The following PAPPA variants were observed in gnomAD, a reference collection of about 807,000 sequenced individuals.
PAPPA encodes the protein pappalysin-1.
In PAPPA, 60 loss-of-function variants were observed where a neutral mutation model predicts 164.0. The observed-to-expected ratio is 0.37, with a 90% CI of 0.30 to 0.45. The LOEUF is 0.45. Among genes scored for constraint, PAPPA ranks in the 20% least tolerant of loss-of-function variants. The pLI is 1.00. For synonymous variants in PAPPA, 875 were observed against 814.1 expected (o/e 1.07, Z -1.27); for missense variants, 1,782 against 2,087.3 (o/e 0.85, Z 2.85).
intron 2 of PAPPA, among the ~76,000 whole-genome samples, chr9:116,198,462 C>T (rs538674031): frequency 6.6e-6 from 1 of 152,324 alleles, no homozygotes; most frequent in Admixed American, 6.5e-5. Flanking sequence ...GTGCCAAGCA[C>T]AGTGCTAGGT....
At chr9:116,314,290 C>G (rs1008394424) in intron 10 of PAPPA, among the ~76,000 whole-genome samples, 1 of 151,646 alleles carries the variant, frequency 6.6e-6, no homozygotes, top group Non-Finnish European at 1.5e-5. Context: ...AGGATGGTCT[C>G]GATCTCCTGA....
intron 21 of PAPPA, among the ~76,000 whole-genome samples, chr9:116,391,878 G>T (rs1415313162): frequency 6.6e-6 from 1 of 152,168 alleles, no homozygotes; most frequent in Non-Finnish European, 1.5e-5. Flanking sequence ...GTGGGGAGCT[G>T]CTTGGGGAGT....
At position 116,154,334 on chromosome 9, in the gene PAPPA, C is replaced by T; in HGVS notation, c.162C>T (p.Gly54=). 1 of 847,878 alleles carries T rather than the reference C, an allele frequency of 1.2e-6. No individual in the cohort carries two copies. The highest frequency in any genetic ancestry group is 1.4e-6 in the Non-Finnish European group (1 of 708,856). 52.5% of individuals were successfully genotyped at this position (847,878 alleles called of 1,614,324 possible). ...CCTGCGCCACCCGGGCGGCCCGCGG[C>T]CGCCGCGCCTCGCCGCCGCCGCCGC... The part of the protein sequence containing the change: ...PATCATRAAR[G]RRASPPPPPP... The change falls in exon 1 of 22, where the codon GGC becomes GGT. Residue 54 remains glycine, a synonymous_variant. Coordinates refer to ENST00000328252, the MANE Select transcript of PAPPA (RefSeq NM_002581.5). This position sits in a 1 kb window ranked among gnomAD's most constrained non-coding sequence, Gnocchi z 5.2.
At chr9:116,254,259 G>T (rs1452233138) in intron 7 of PAPPA, among the ~76,000 whole-genome samples, 2 of 152,090 alleles carry the variant, frequency 1.3e-5, no homozygotes, top group African/African-American at 4.8e-5. Flanking sequence ...CCAGAAACCA[G>T]TGAAGGCTAT....
chr9:116,238,517 G>A (rs544402655), intron 7 of PAPPA, among the ~76,000 whole-genome samples: 4 of 152,280 alleles, frequency 2.6e-5, no homozygotes, highest in African/African-American at 9.6e-5. Context: ...GGATGACTCA[G>A]ACCAGTCCCT....
At chr9:116,395,314 G>A (rs1259247384) in intron 21 of PAPPA, among the ~76,000 whole-genome samples, 1 of 151,816 alleles carries the variant, frequency 6.6e-6, no homozygotes, top group Non-Finnish European at 1.5e-5. Flanking sequence ...CAAAGAGGCA[G>A]AGAAAAAAGA....
At chr9:116,349,179 T>G (rs1276675862) in intron 15 of PAPPA, among the ~76,000 whole-genome samples, 1 of 145,898 alleles carries the variant, frequency 6.9e-6, no homozygotes, top group Admixed American at 6.9e-5. Flanking sequence ...TGCAGCCAGT[T>G]GATTGAGTGA....
At chr9:116,350,732 C>A (rs1169323213) in intron 15 of PAPPA, among the ~76,000 whole-genome samples, 1 of 152,140 alleles carries the variant, frequency 6.6e-6, no homozygotes, top group Non-Finnish European at 1.5e-5. Context: ...ATTAGCTGGG[C>A]ACCCCAAAGC....
chr9:116,191,014 A>C (rs1844035668), intron 2 of PAPPA, among the ~76,000 whole-genome samples: 1 of 149,456 alleles, frequency 6.7e-6, no homozygotes, highest in Non-Finnish European at 1.5e-5. Context: ...TTAAACAAAA[A>C]AGGGAGGAAG....
chr9:116,402,118 T>G lies in PAPPA; in HGVS notation c.*5502T>G, dbSNP rs1190193102. 1 of 152,564 alleles carries G rather than the reference T, an allele frequency of 6.6e-6. No individual in the cohort carries two copies. Among genetic ancestry groups the G allele is most frequent in the Non-Finnish European group, 1.5e-5 (1 of 68,022 alleles). The allele number at this position is 152,564 out of a possible 1,614,324, so 9.5% of individuals were successfully genotyped here. ...CATCTAATTTATTTTTTCTATACAG[T>G]TTTAAATACTCAGACATATTTTGCT... is the stretch of plus-strand genomic sequence containing the variant. On this transcript the variant is annotated 3_prime_UTR_variant, in exon 22 of 22. Coordinates refer to ENST00000328252, the MANE Select transcript of PAPPA (RefSeq NM_002581.5).
At chr9:116,263,479 C>A (rs555313536) in intron 7 of PAPPA, among the ~76,000 whole-genome samples, 1 of 152,310 alleles carries the variant, frequency 6.6e-6, no homozygotes, top group East Asian at 1.9e-4. Context: ...ATTTGTCTCT[C>A]CATCTCTTCT....
intron 1 of PAPPA, among the ~76,000 whole-genome samples, chr9:116,168,388 A>C (rs1045378222): frequency 7.2e-5 from 11 of 152,248 alleles, no homozygotes; most frequent in Non-Finnish European, 1.3e-4. Flanking sequence ...TGGTGGAAGC[A>C]GACTGGTAAA....
chr9:116,257,109 T>C (rs987988816), intron 7 of PAPPA, among the ~76,000 whole-genome samples: 3 of 151,996 alleles, frequency 2.0e-5, no homozygotes, highest in Non-Finnish European at 4.4e-5. Flanking sequence ...GAAAATCTTA[T>C]ATATTTGCCA....
chr9:116,181,437 T>A (rs1243014548), intron 1 of PAPPA, among the ~76,000 whole-genome samples: 1 of 152,160 alleles, frequency 6.6e-6, no homozygotes, highest in Non-Finnish European at 1.5e-5. Context: ...ACTTGTGTCC[T>A]AATTTTCTCC....
chr9:116,263,951 AC>A (rs1282583649), intron 7 of PAPPA, among the ~76,000 whole-genome samples: 1 of 152,056 alleles, frequency 6.6e-6, no homozygotes, highest in Non-Finnish European at 1.5e-5. Flanking sequence ...CCAGAGAACT[AC>A]CCCCATCTAC....
chr9:116,173,979 CTGAT>C (rs1290612513), intron 1 of PAPPA, among the ~76,000 whole-genome samples: 1 of 152,188 alleles, frequency 6.6e-6, no homozygotes, highest in East Asian at 1.9e-4. Context: ...ATTCTGGAGT[CTGAT>C]TGCTTGGGGT....
Position 116,187,841 on chromosome 9 carries a change from C to T in PAPPA, c.1103C>T (p.Pro368Leu), listed in dbSNP as rs1291649850. 5.0e-6 allele frequency: 8 copies of T among 1,614,076 alleles called. No homozygotes were observed. Among genetic ancestry groups the T allele is most frequent in the African/African-American group, 1.3e-5 (1 of 74,942 alleles). The change falls in exon 2 of 22, where the codon CCG becomes CTG. Residue 368 changes from proline to leucine, a missense_variant. Around this residue, in one of 2 missense-constraint regions of PAPPA, gnomAD observed 1,324 missense variants for 1,656.9 expected, o/e 0.80. Coordinates refer to ENST00000328252, the MANE Select transcript of PAPPA (RefSeq NM_002581.5). The surrounding 1 kb of genome is among the most constrained non-coding windows in gnomAD (Gnocchi z 4.2). ...VNLYEDDHKN[P>L]TVTREQVDFQ... ...CTCTATGAAGATGATCATAAGAACC[C>T]GACGGTGACGCGCGAGCAGGTGGAC... is the stretch of plus-strand genomic sequence containing the variant.
intron 17 of PAPPA, among the ~76,000 whole-genome samples, chr9:116,356,271 G>A (rs546525482): frequency 1.3e-5 from 2 of 152,318 alleles, no homozygotes; most frequent in Admixed American, 6.5e-5. Context: ...CTTTTCTTGT[G>A]TATAAAATGA....
intron 1 of PAPPA, among the ~76,000 whole-genome samples, chr9:116,155,615 G>C (rs766584342): frequency 5.3e-5 from 8 of 152,114 alleles, no homozygotes; most frequent in Non-Finnish European, 7.4e-5. Flanking sequence ...GCCAGGAAAC[G>C]TGTGAAGGCG....
Sources: allele counts gnomAD v4.1 joint callset (sites outside exome capture counted in the v4.1 genomes callset), GRCh38; gene constraint gnomAD v4.1.1; regional missense constraint gnomAD v4.1.1; non-coding constraint Gnocchi (gnomAD v3.1); transcripts MANE v1.5; gene names NCBI Gene and HGNC (gene_info 2026-07-23, HGNC 2026-07-21).